The following PLCL2 variants were observed in gnomAD, a reference collection of about 807,000 sequenced individuals.
PLCL2 encodes phospholipase C like 2, also known as inactive phospholipase C-like protein 2.
PLCL2 carries 4 observed loss-of-function variants against 79.6 expected under a neutral mutation model. The observed-to-expected ratio is 0.05, with a 90% CI of 0.02 to 0.11. The LOEUF is 0.11. Ranked by LOEUF, PLCL2 falls within the 10% of genes least tolerant of loss-of-function variation. The pLI, the probability that PLCL2 is intolerant of heterozygous loss-of-function variation, is 1.00. For synonymous variants in PLCL2, 484 were observed against 457.7 expected (o/e 1.06, Z -0.73); for missense variants, 895 against 1,291.0 (o/e 0.69, Z 4.70).
At chr3:16,940,988 C>T (rs1022955892) in intron 1 of PLCL2, among the ~76,000 whole-genome samples, 1 of 152,154 alleles carries the variant, frequency 6.6e-6, no homozygotes, top group Non-Finnish European at 1.5e-5. Context: ...CTTTATGCTA[C>T]GAGCCCTTGG....
At chr3:17,059,186 T>C (rs2064920128) in intron 4 of PLCL2, among the ~76,000 whole-genome samples, 1 of 152,076 alleles carries the variant, frequency 6.6e-6, no homozygotes, top group Non-Finnish European at 1.5e-5. Flanking sequence ...TGATACATCC[T>C]TATAATGGAA....
Position 17,042,919 on chromosome 3 carries a change from T to C in PLCL2, c.3064T>C (p.Tyr1022His). 6.2e-7 allele frequency: 1 copy of C among 1,612,352 alleles called. No homozygotes were observed. Among genetic ancestry groups the C allele is most frequent in the Non-Finnish European group, 8.5e-7 (1 of 1,178,490 alleles). Residue 1022 changes from tyrosine (Y) to histidine (H), a missense_variant, in exon 4 of 6, where the codon TAT becomes CAT. Physicochemically the swap from Tyr to His is moderately conservative, Grantham distance 83 (BLOSUM62 2). Around this residue, in one of 6 missense-constraint regions of PLCL2, gnomAD observed 298 missense variants for 459.6 expected, o/e 0.65. Coordinates refer to ENST00000615277, the MANE Select transcript of PLCL2 (RefSeq NM_001144382.2). The part of the protein sequence containing the change: ...KALIENADAV[Y>H]EKIVHCQKAA... ...GTTGATTGAAAATGCAGATGCTGTA[T>C]ATGAAAAGATCGTACATTGTCAGAA...
intron 1 of PLCL2, among the ~76,000 whole-genome samples, chr3:16,928,392 G>T (rs1319117362): frequency 6.6e-6 from 1 of 152,204 alleles, no homozygotes; most frequent in Non-Finnish European, 1.5e-5. Context: ...GCATTTCTGT[G>T]TATAATAATT....
At chr3:17,084,690 T>C (rs2065198970) in intron 5 of PLCL2, among the ~76,000 whole-genome samples, 1 of 152,198 alleles carries the variant, frequency 6.6e-6, no homozygotes, top group Admixed American at 6.5e-5. Context: ...CGTGGTTGTA[T>C]CAGTAGATGC....
chr3:17,056,965 C>A (rs987132490), intron 4 of PLCL2, among the ~76,000 whole-genome samples: 1 of 152,138 alleles, frequency 6.6e-6, no homozygotes. Context: ...CAGACTTTAT[C>A]ATCAAGGTGT....
At chr3:17,040,527 A>G (rs2064708602) in intron 3 of PLCL2, among the ~76,000 whole-genome samples, 2 of 152,178 alleles carry the variant, frequency 1.3e-5, no homozygotes. Context: ...ATTTGGGGCT[A>G]CCAGAAAATG....
At chr3:16,908,337 C>T (rs1340000502) in intron 1 of PLCL2, among the ~76,000 whole-genome samples, 1 of 152,060 alleles carries the variant, frequency 6.6e-6, no homozygotes, top group Non-Finnish European at 1.5e-5. Flanking sequence ...ATAATAATTC[C>T]TCAATATCAT....
chr3:16,944,980 G>A (rs925453931), intron 1 of PLCL2, among the ~76,000 whole-genome samples: 1 of 152,044 alleles, frequency 6.6e-6, no homozygotes, highest in Non-Finnish European at 1.5e-5. Context: ...GGCTGGTCTC[G>A]AACTCCTGAC....
intron 1 of PLCL2, among the ~76,000 whole-genome samples, chr3:16,928,328 G>A (rs1363973448): frequency 6.6e-6 from 1 of 152,218 alleles, no homozygotes; most frequent in Admixed American, 6.5e-5. Flanking sequence ...GACATCTGTG[G>A]AGGTAGACCA....
chr3:16,889,755 C>G (rs1303840402), intron 1 of PLCL2, among the ~76,000 whole-genome samples: 1 of 152,184 alleles, frequency 6.6e-6, no homozygotes, highest in Non-Finnish European at 1.5e-5. Flanking sequence ...TTTAAATAAA[C>G]TAGGCTCCTT....
chr3:16,961,290 A>G (rs2063752254), intron 1 of PLCL2, among the ~76,000 whole-genome samples: 1 of 152,148 alleles, frequency 6.6e-6, no homozygotes, highest in African/African-American at 2.4e-5. Flanking sequence ...CATATATTCT[A>G]TTCACTCATT....
intron 1 of PLCL2, among the ~76,000 whole-genome samples, chr3:16,979,182 T>G (rs574014152): frequency 1.3e-5 from 2 of 152,288 alleles, no homozygotes; most frequent in South Asian, 4.1e-4. Context: ...ATTTTGTGGT[T>G]AAAAGCCTCA....
chr3:16,988,663 G>A (rs1352090475), intron 1 of PLCL2, among the ~76,000 whole-genome samples: 1 of 152,000 alleles, frequency 6.6e-6, no homozygotes, highest in African/African-American at 2.4e-5. Context: ...TAATGTTGTG[G>A]CCTTCAGGAA....
intron 4 of PLCL2, among the ~76,000 whole-genome samples, chr3:17,063,859 G>A (rs2064981844): frequency 6.6e-6 from 1 of 152,184 alleles, no homozygotes; most frequent in South Asian, 2.1e-4. Flanking sequence ...TGTAATTAAA[G>A]TGCAAGGAGT....
intron 1 of PLCL2, among the ~76,000 whole-genome samples, chr3:16,950,587 A>G (rs563222532): frequency 1.3e-5 from 2 of 148,590 alleles, no homozygotes; most frequent in Non-Finnish European, 3.0e-5. Flanking sequence ...TTTTTTTTCG[A>G]TGCTGCTTTA....
intron 5 of PLCL2, among the ~76,000 whole-genome samples, chr3:17,071,784 T>C (rs530377522): frequency 1.7e-4 from 26 of 152,260 alleles, no homozygotes; most frequent in African/African-American, 5.5e-4. Context: ...AGCACTAATG[T>C]CTCAGATATT....
At chr3:16,984,440 A>G (rs2064028633) in intron 1 of PLCL2, among the ~76,000 whole-genome samples, 1 of 152,164 alleles carries the variant, frequency 6.6e-6, no homozygotes, top group African/African-American at 2.4e-5. Flanking sequence ...AAAGACTTTC[A>G]GTGTGGGCAG....
intron 1 of PLCL2, among the ~76,000 whole-genome samples, chr3:16,969,391 A>G (rs1001378043): frequency 1.7e-4 from 26 of 151,890 alleles, no homozygotes; most frequent in African/African-American, 6.0e-4. Flanking sequence ...TCTAGTTCGT[A>G]GGCTTTTTAT....
chr3:16,971,522 G>A (rs2063868328), intron 1 of PLCL2, among the ~76,000 whole-genome samples: 1 of 152,108 alleles, frequency 6.6e-6, no homozygotes, highest in Non-Finnish European at 1.5e-5. Flanking sequence ...GGATTGACTT[G>A]GCAATGCGGG....
Sources: allele counts gnomAD v4.1 joint callset (sites outside exome capture counted in the v4.1 genomes callset), GRCh38; gene constraint gnomAD v4.1.1; regional missense constraint gnomAD v4.1.1; transcripts MANE v1.5; gene names NCBI Gene and HGNC (gene_info 2026-07-23, HGNC 2026-07-21).